SLC68A1: variants seen among roughly 807,000 people sequenced by gnomAD.
SLC68A1 encodes the protein major facilitator superfamily domain containing 13A.
chr10:102,468,999 T>C, the SLC68A1 span: 1 of 1,592,062 alleles, frequency 6.3e-7, no homozygotes, highest in Non-Finnish European at 8.5e-7. Flanking sequence ...CCCTCCCCGG[T>C]GCTCCTGGGG....
At chr10:102,476,045 TTTTTTGG>T in the SLC68A1 span, 7 of 1,378,486 alleles carry the variant, frequency 5.1e-6, 1 homozygote, top group East Asian at 2.7e-5. Flanking sequence ...GGAGCCAGTT[TTTTTTGG>T]TTTTTTTTTT....
the SLC68A1 span, chr10:102,470,776 C>G: frequency 1.2e-6 from 2 of 1,613,872 alleles, no homozygotes; most frequent in African/African-American, 1.3e-5. Flanking sequence ...TGCCCTGGGC[C>G]CCAGCTGGCC....
the SLC68A1 span, chr10:102,470,758 G>T: frequency 1.2e-6 from 2 of 1,613,940 alleles, no homozygotes. Context: ...CGTTCCTGGC[G>T]TTCTGGGTGC....
At chr10:102,467,800 GC>G in the SLC68A1 span, among the ~76,000 whole-genome samples, 85 of 152,238 alleles carry the variant, frequency 5.6e-4, no homozygotes, top group African/African-American at 1.9e-3. Flanking sequence ...GGGATTACAG[GC>G]ATGTGCCACC....
chr10:102,475,645 A>C, the SLC68A1 span: 1 of 1,497,844 alleles, frequency 6.7e-7, no homozygotes, highest in Non-Finnish European at 8.9e-7. Context: ...CTGAGATGTC[A>C]CACCATAGAC....
the SLC68A1 span, chr10:102,475,707 G>T: frequency 6.4e-7 from 1 of 1,568,830 alleles, no homozygotes. Flanking sequence ...GTCTTTCTGT[G>T]CTCTCTTGTC....
chr10:102,463,336 C>T, the SLC68A1 span, among the ~76,000 whole-genome samples: 1 of 152,124 alleles, frequency 6.6e-6, no homozygotes, highest in Non-Finnish European at 1.5e-5. Flanking sequence ...CCACGCCTGG[C>T]TAATTTTTGT....
At chr10:102,469,930 G>T in the SLC68A1 span, 2 of 1,575,024 alleles carry the variant, frequency 1.3e-6, no homozygotes, top group Non-Finnish European at 1.7e-6. Flanking sequence ...CAGGCTGAGG[G>T]GGGAGGAGCC....
chr10:102,469,796 C>G, the SLC68A1 span: 1 of 974,442 alleles, frequency 1.0e-6, no homozygotes, highest in South Asian at 4.8e-5. Flanking sequence ...ATCCACCTGC[C>G]TCGGCCTCCC....
the SLC68A1 span, among the ~76,000 whole-genome samples, chr10:102,464,518 G>A: frequency 6.6e-6 from 1 of 151,002 alleles, no homozygotes; most frequent in Non-Finnish European, 1.5e-5. Context: ...TAGGCCGGGC[G>A]CAGTGGCTCA....
chr10:102,471,047 C>T, the SLC68A1 span: 1 of 1,613,808 alleles, frequency 6.2e-7, no homozygotes. Context: ...GGGGGCCACA[C>T]AGCTGCTGAG....
the SLC68A1 span, among the ~76,000 whole-genome samples, chr10:102,464,065 C>CT: frequency 6.6e-6 from 1 of 152,186 alleles, no homozygotes; most frequent in Non-Finnish European, 1.5e-5. Context: ...CAGCTGGTCT[C>CT]TAACTTCTGG....
the SLC68A1 span, among the ~76,000 whole-genome samples, chr10:102,467,285 C>T: frequency 6.6e-6 from 1 of 152,216 alleles, no homozygotes; most frequent in Non-Finnish European, 1.5e-5. Flanking sequence ...ATCTGCCCAC[C>T]TTGGCCTCCC....
the SLC68A1 span, chr10:102,476,113 A>T: frequency 7.3e-7 from 1 of 1,369,490 alleles, no homozygotes; most frequent in Non-Finnish European, 9.4e-7. Context: ...GCCCAAAAAA[A>T]TGGATCTGTT....
the SLC68A1 span, chr10:102,470,047 G>A: frequency 6.2e-7 from 1 of 1,614,060 alleles, no homozygotes; most frequent in South Asian, 1.1e-5. Flanking sequence ...TTGGCTCAGT[G>A]ACCGGCAGTT....
At chr10:102,471,157 A>G in the SLC68A1 span, 2 of 1,603,834 alleles carry the variant, frequency 1.2e-6, no homozygotes, top group African/African-American at 2.7e-5. Context: ...CTCACCAGCA[A>G]CCTTCTAAGT....
chr10:102,469,881 CAGGTAGG>C, the SLC68A1 span: 2 of 1,464,568 alleles, frequency 1.4e-6, no homozygotes, highest in Non-Finnish European at 9.0e-7. Context: ...CAAAGGTTTG[CAGGTAGG>C]AAAGCTGGGG....
the SLC68A1 span, chr10:102,461,851 G>C: frequency 1.3e-5 from 2 of 152,326 alleles, no homozygotes. Flanking sequence ...CGCCCGAAGA[G>C]ATTCCGATTT....
At chr10:102,472,861 A>C in the SLC68A1 span, 14 of 1,614,028 alleles carry the variant, frequency 8.7e-6, no homozygotes, top group Non-Finnish European at 1.2e-5. Context: ...CAGGTCTTCC[A>C]CTGCCACTTC....
Sources: allele counts gnomAD v4.1 joint callset (sites outside exome capture counted in the v4.1 genomes callset), GRCh38; gene constraint gnomAD v4.1.1; transcripts MANE v1.5; gene names NCBI Gene and HGNC (gene_info 2026-07-23, HGNC 2026-07-21).